XYLT1: variants seen among roughly 807,000 people sequenced by gnomAD.
XYLT1 encodes the protein beta-D-xylosyltransferase 1.
Under a neutral mutation model 91.3 loss-of-function variants are expected in XYLT1, and 36 were observed. That is an observed-to-expected ratio of 0.39 (90% CI 0.30 to 0.52). The LOEUF is 0.52. XYLT1 is among the 20% of genes least tolerant of loss of function. XYLT1 has a pLI of 0.68. For missense variants in XYLT1, 1,242 were observed against 1,284.5 expected, an observed-to-expected ratio of 0.97 and a Z score of 0.51; for synonymous variants, 588 against 532.0, an observed-to-expected ratio of 1.11 and a Z score of -1.45.
chr16:17,273,579 C>T (rs553050963), intron 2 of XYLT1, among the ~76,000 whole-genome samples: 27 of 152,298 alleles, frequency 1.8e-4, no homozygotes, highest in African/African-American at 5.8e-4. Context: ...CATGGTGGCT[C>T]ATGCCTGTAA....
chr16:17,226,018 G>A (rs1028392706), intron 3 of XYLT1, among the ~76,000 whole-genome samples: 9 of 150,208 alleles, frequency 6.0e-5, no homozygotes, highest in African/African-American at 2.0e-4. Flanking sequence ...CTGGAAATTT[G>A]CATGAGGTAG....
At chr16:17,268,531 GATT>G (rs1567349520) in intron 2 of XYLT1, among the ~76,000 whole-genome samples, 1 of 146,138 alleles carries the variant, frequency 6.8e-6, no homozygotes, top group Middle Eastern at 3.2e-3. Context: ...AATATTTACT[GATT>G]ATTAAAATTA....
intron 2 of XYLT1, among the ~76,000 whole-genome samples, chr16:17,321,342 C>CTT (rs10606202): frequency 0.014 from 630 of 43,630 alleles, 152 homozygotes; most frequent in East Asian, 0.051. Context: ...ACTAACTAGC[C>CTT]TTTTTTTTTT....
intron 5 of XYLT1, among the ~76,000 whole-genome samples, chr16:17,195,252 C>T (rs935817835): frequency 6.6e-6 from 1 of 152,100 alleles, no homozygotes; most frequent in African/African-American, 2.4e-5. Flanking sequence ...TTATCCATCC[C>T]CAAACATCAG....
At chr16:17,287,782 C>T (rs561462565) in intron 2 of XYLT1, among the ~76,000 whole-genome samples, 10 of 152,218 alleles carry the variant, frequency 6.6e-5, no homozygotes, top group East Asian at 1.9e-4. Flanking sequence ...GACAGACAGA[C>T]GCTGGGCATC....
intron 1 of XYLT1, among the ~76,000 whole-genome samples, chr16:17,363,125 TCA>T (rs1453731013): frequency 1.3e-5 from 2 of 152,138 alleles, no homozygotes; most frequent in Non-Finnish European, 2.9e-5. Flanking sequence ...GAATGAAAAC[TCA>T]CTCATGACTC....
rs1208427563 is a variant in XYLT1 at position 17,168,281 on chromosome 16, T to C, written c.1290-9372A>G. On this transcript the variant is annotated intron_variant, in intron 5 of 11. Coordinates refer to ENST00000261381, the MANE Select transcript of XYLT1 (RefSeq NM_022166.4). ...CAGCCATCAAAAGAACAAAATCATG[T>C]CCTTTGCTGCAATATGGATGCAGAT... 4.6e-5 allele frequency among the ~76,000 whole-genome samples: 7 copies of C among 152,260 alleles called. No individual in the cohort carries two copies. In the East Asian group the frequency reaches 1.4e-3, roughly 29 times the overall value.
intron 2 of XYLT1, among the ~76,000 whole-genome samples, chr16:17,309,816 G>C (rs1002972375): frequency 2.0e-5 from 3 of 152,198 alleles, no homozygotes; most frequent in Admixed American, 1.3e-4. Flanking sequence ...TGTGCTTGTG[G>C]TTCTGGGCTT....
chr16:17,251,972 G>A (rs1029006971), intron 3 of XYLT1, among the ~76,000 whole-genome samples: 4 of 152,074 alleles, frequency 2.6e-5, no homozygotes, highest in African/African-American at 9.7e-5. Flanking sequence ...TACTGGGGCT[G>A]TGTCTGAAGA....
At chr16:17,328,513 C>T (rs1346018541) in intron 2 of XYLT1, among the ~76,000 whole-genome samples, 1 of 129,168 alleles carries the variant, frequency 7.7e-6, no homozygotes, top group African/African-American at 2.9e-5. Context: ...TGTGCCACTG[C>T]ACTCCAGCTT....
intron 4 of XYLT1, among the ~76,000 whole-genome samples, chr16:17,198,619 CT>C (rs1271024256): frequency 5.3e-5 from 8 of 152,172 alleles, no homozygotes; most frequent in Admixed American, 5.2e-4. Flanking sequence ...TTCAAATTAG[CT>C]ATTTGAAATG....
At chr16:17,435,408 C>T (rs1024051548) in intron 1 of XYLT1, among the ~76,000 whole-genome samples, 1 of 152,170 alleles carries the variant, frequency 6.6e-6, no homozygotes, top group African/African-American at 2.4e-5. Flanking sequence ...CCTACAAGAA[C>T]CCAGCAATCC....
chr16:17,338,470 C>A (rs1170933681), intron 2 of XYLT1: 3 of 456,410 alleles, frequency 6.6e-6, no homozygotes, highest in African/African-American at 6.0e-5. Context: ...GCCGGGCTGG[C>A]TGGAAAGACT....
chr16:17,357,169 T>C (rs2035308857), intron 2 of XYLT1, among the ~76,000 whole-genome samples: 1 of 44,910 alleles, frequency 2.2e-5, no homozygotes, highest in African/African-American at 1.2e-4. Context: ...AGAGACTCGG[T>C]CTCAAAAAAA....
chr16:17,449,079 A>G (rs1220736371), intron 1 of XYLT1, among the ~76,000 whole-genome samples: 1 of 152,190 alleles, frequency 6.6e-6, no homozygotes, highest in African/African-American at 2.4e-5. Flanking sequence ...GAAGTGGCAT[A>G]TAAGTGTCAT....
chr16:17,285,593 T>G (rs2034122439), intron 2 of XYLT1, among the ~76,000 whole-genome samples: 1 of 152,210 alleles, frequency 6.6e-6, no homozygotes, highest in Non-Finnish European at 1.5e-5. Context: ...TTCACCATCA[T>G]GCCCGGGGGC....
chr16:17,245,438 C>T (rs953512160), intron 3 of XYLT1, among the ~76,000 whole-genome samples: 11 of 152,124 alleles, frequency 7.2e-5, no homozygotes, highest in African/African-American at 2.2e-4. Flanking sequence ...TGATTTAGGG[C>T]AACATAAACC....
rs768752782 is a variant in XYLT1 at position 17,108,768 on chromosome 16, G to A, written c.2807C>T (p.Thr936Met). Residue 936 changes from threonine to methionine, a missense_variant, in exon 12 of 12, where the codon ACG (threonine) becomes ATG (methionine). Physicochemically the swap from Thr to Met is moderately conservative, Grantham distance 81 (BLOSUM62 -1). Around this residue, in one of 3 missense-constraint regions of XYLT1, gnomAD observed 511 missense variants for 497.0 expected, o/e 1.03. Transcript: ENST00000261381. ...ACPVMQTCSQ[T>M]AWSSFSPDPK... ...GTCAGGGCTGAAGGAGCTCCAGGCC[G>A]TCTGGCTGCAGGTCTGCATGACCGG... 109 of 1,608,864 alleles carry A rather than the reference G, an allele frequency of 6.8e-5. No homozygotes were observed. The East Asian group carries it at 1.2e-3, about 18-fold the overall frequency.
chr16:17,300,514 C>A (rs149556710), intron 2 of XYLT1, among the ~76,000 whole-genome samples: 1 of 115,670 alleles, frequency 8.6e-6, no homozygotes, highest in Non-Finnish European at 1.6e-5. Flanking sequence ...TGGAGTGCAG[C>A]GGCACGATCT....
Sources: gnomAD v4.1 joint callset for allele counts (sites outside exome capture counted in the v4.1 genomes callset) on GRCh38, gnomAD v4.1.1 for gene constraint, gnomAD v4.1.1 regional missense constraint, MANE v1.5 for transcripts, NCBI Gene and HGNC (gene_info 2026-07-23, HGNC 2026-07-21) for gene names.